Variants in TM9SF4 observed in about 807,000 individuals in gnomAD.
TM9SF4 encodes transmembrane 9 superfamily member 4.
Under a neutral mutation model 90.4 loss-of-function variants are expected in TM9SF4, and 26 were observed. The ratio of observed to expected loss-of-function variants is 0.29; its 90% confidence interval spans 0.21 to 0.40. The LOEUF (loss-of-function observed/expected upper bound fraction) is 0.40, where lower values mean the gene tolerates loss of function less well. Ranked by LOEUF, TM9SF4 falls within the 10% of genes least tolerant of loss-of-function variation. TM9SF4 has a pLI of 1.00. For synonymous variants in TM9SF4, 293 were observed against 315.4 expected (o/e 0.93, Z 0.75); for missense variants, 549 against 834.8 (o/e 0.66, Z 4.22).
chr20:32,119,586 T>C (rs1043137892), intron 1 of TM9SF4, among the ~76,000 whole-genome samples: 1 of 152,194 alleles, frequency 6.6e-6, no homozygotes, highest in Admixed American at 6.5e-5. Flanking sequence ...ATCAGGTATG[T>C]GATTTGCAAA....
At chr20:32,137,087 G>C (rs1290330699) in intron 3 of TM9SF4, 2 of 454,188 alleles carry the variant, frequency 4.4e-6, no homozygotes, top group Non-Finnish European at 8.8e-6. Flanking sequence ...TACCAACTGT[G>C]CCGAAGTCTT....
Position 32,166,853 on chromosome 20 carries a change from C to G in TM9SF4, c.*1409C>G, listed in dbSNP as rs576578470. 2.0e-5 allele frequency: 3 copies of G among 152,314 alleles called. No homozygotes were observed. Among genetic ancestry groups the G allele is most frequent in the African/African-American group, 7.2e-5 (3 of 41,556 alleles). 9.4% of individuals were successfully genotyped at this position (152,314 alleles called of 1,614,324 possible). On this transcript the variant is annotated 3_prime_UTR_variant, in exon 18 of 18. Transcript: ENST00000398022. ...CCCTTGTGGGACTCCCAACACAAGA[C>G]AAAGCTCAGGATGCTGGTGATGCTA...
chr20:32,146,003 G>GAA (rs1481940772), intron 8 of TM9SF4, among the ~76,000 whole-genome samples: 1 of 152,218 alleles, frequency 6.6e-6, no homozygotes, highest in Non-Finnish European at 1.5e-5. Flanking sequence ...AGCTCAGCAA[G>GAA]AAACCGGGTG....
chr20:32,124,925 G>A (rs956173227), intron 1 of TM9SF4, among the ~76,000 whole-genome samples: 1 of 152,136 alleles, frequency 6.6e-6, no homozygotes, highest in Non-Finnish European at 1.5e-5. Context: ...ACCCAACTTG[G>A]AATGGAACTT....
At chr20:32,122,573 C>CG (rs1314244332) in intron 1 of TM9SF4, among the ~76,000 whole-genome samples, 3 of 144,722 alleles carry the variant, frequency 2.1e-5, no homozygotes, top group Middle Eastern at 3.5e-3. Flanking sequence ...AGACGATGGG[C>CG]GGCTGGGCAG....
chr20:32,145,244 A>T (rs1357343012), intron 7 of TM9SF4, 35 bp downstream of exon 7: 3 of 1,613,252 alleles, frequency 1.9e-6, no homozygotes, highest in Admixed American at 1.7e-5. Context: ...GCAGGGGAGG[A>T]GGGCTCTGGT....
intron 3 of TM9SF4, among the ~76,000 whole-genome samples, chr20:32,138,149 C>T (rs774421863): frequency 1.3e-5 from 2 of 152,180 alleles, no homozygotes; most frequent in Non-Finnish European, 1.5e-5. Flanking sequence ...TTTCTGTTGT[C>T]GCAGGCTGCC....
chr20:32,117,223 CA>C (rs34453961), intron 1 of TM9SF4, among the ~76,000 whole-genome samples: 26,272 of 68,716 alleles, frequency 0.38, 1,654 homozygotes, highest in East Asian at 0.54. Context: ...GACTCTGTCT[CA>C]AAAAAAAAAA....
chr20:32,128,994 C>A (rs1256167053), intron 1 of TM9SF4, among the ~76,000 whole-genome samples: 2 of 151,876 alleles, frequency 1.3e-5, no homozygotes, highest in African/African-American at 4.8e-5. Context: ...TCTTTTGCCT[C>A]ATTTATTATT....
At chr20:32,150,946 G>A in intron 12 of TM9SF4, 71 bp downstream of exon 12, 5 of 1,571,178 alleles carry the variant, frequency 3.2e-6, no homozygotes, top group Non-Finnish European at 4.3e-6. Flanking sequence ...TCAGGAGAAG[G>A]TAGGCAGGTC....
intron 1 of TM9SF4, among the ~76,000 whole-genome samples, chr20:32,111,128 C>T (rs963188224): frequency 6.6e-6 from 1 of 152,146 alleles, no homozygotes; most frequent in African/African-American, 2.4e-5. Context: ...ATGAGGGATT[C>T]CTTATTTAGA....
intron 1 of TM9SF4, among the ~76,000 whole-genome samples, chr20:32,117,883 CTT>C (rs1163744109): frequency 3.9e-5 from 6 of 152,058 alleles, no homozygotes; most frequent in African/African-American, 7.2e-5. Context: ...TCTTAGGACT[CTT>C]TGCATGGCTC....
At position 32,143,858 on chromosome 20, in the gene TM9SF4, G is replaced by A. The variant is rs74493948; in HGVS notation, c.652+753G>A. 5.3e-4 allele frequency among the ~76,000 whole-genome samples: 80 copies of A among 152,192 alleles called. 1 individual carries two copies. The East Asian group carries it at 0.014, about 27-fold the overall frequency. ...GGGAGCTTCCCGAGCGCAGTTCTACGTTTGCATGTGTGACGCTTTTGAGGC... is the reference window on the plus strand; with the variant it reads ...GGGAGCTTCCCGAGCGCAGTTCTACATTTGCATGTGTGACGCTTTTGAGGC... On this transcript the variant is annotated intron_variant, in intron 6 of 17. Coordinates refer to ENST00000398022, the MANE Select transcript of TM9SF4 (RefSeq NM_014742.4).
In TM9SF4 at chr20:32,120,837, T is replaced by C. The variant is rs1359897567; in HGVS notation, c.15+11082T>C. 2.6e-5 allele frequency among the ~76,000 whole-genome samples: 4 copies of C among 152,228 alleles called. No individual in the cohort carries two copies. In the South Asian group the frequency reaches 6.2e-4, roughly 24 times the overall value. ...TTCTAGTCCTAAATTGTTGAGAGTT[T>C]TAATGATGAATATGTTGGATTTTGT... On this transcript the variant is annotated intron_variant, in intron 1 of 17. Coordinates refer to ENST00000398022, the MANE Select transcript of TM9SF4 (RefSeq NM_014742.4).
intron 1 of TM9SF4, among the ~76,000 whole-genome samples, chr20:32,118,141 T>C (rs2046253717): frequency 6.6e-6 from 1 of 152,208 alleles, no homozygotes; most frequent in Non-Finnish European, 1.5e-5. Flanking sequence ...CCAGGGGTTT[T>C]ACCAGAAACC....
In TM9SF4 at chr20:32,161,365, G is replaced by A; in HGVS notation, c.1779G>A (p.Lys593=). The part of the protein sequence containing the change: ...LVYAIFYFVN[K]LDIVEFIPSL... ...ATGCCATCTTTTATTTCGTTAACAA[G>A]GTACTGCCCTCCTTGAGGAGGTCCT... Residue 593 remains lysine, a splice_region_variant and synonymous_variant, in exon 17 of 18, where the codon AAG becomes AAA. Transcript: ENST00000398022. 1 of 1,613,840 alleles carries A rather than the reference G, an allele frequency of 6.2e-7. No homozygotes were observed. Among genetic ancestry groups the A allele is most frequent in the Non-Finnish European group, 8.5e-7 (1 of 1,179,854 alleles).
intron 1 of TM9SF4, among the ~76,000 whole-genome samples, chr20:32,127,619 TC>T (rs2046442459): frequency 6.6e-6 from 1 of 152,202 alleles, no homozygotes; most frequent in Non-Finnish European, 1.5e-5. Flanking sequence ...GTTCGGGCAT[TC>T]TTGTTGTGTC....
chr20:32,131,054 A>C (rs1262303231), intron 1 of TM9SF4, among the ~76,000 whole-genome samples: 1 of 152,156 alleles, frequency 6.6e-6, no homozygotes, highest in Non-Finnish European at 1.5e-5. Context: ...CTGTCTTCCT[A>C]TCCTTCCTAT....
chr20:32,129,485 CCT>C (rs753539013), intron 1 of TM9SF4, among the ~76,000 whole-genome samples: 60 of 151,904 alleles, frequency 3.9e-4, no homozygotes, highest in Non-Finnish European at 6.6e-4. Context: ...AGAGTGAGAC[CCT>C]GTCTCAAAAA....
Sources: allele counts gnomAD v4.1 joint callset (sites outside exome capture counted in the v4.1 genomes callset), GRCh38; gene constraint gnomAD v4.1.1; transcripts MANE v1.5; gene names NCBI Gene and HGNC (gene_info 2026-07-23, HGNC 2026-07-21).